The following PCDH7 variants were observed in gnomAD, a reference collection of about 807,000 sequenced individuals.
PCDH7 encodes protocadherin 7.
A neutral mutation model predicts 58.9 loss-of-function variants in PCDH7; 17 were observed. That is an observed-to-expected ratio of 0.29 (90% CI 0.20 to 0.43). The LOEUF (loss-of-function observed/expected upper bound fraction) is 0.43, where lower values mean the gene tolerates loss of function less well. Among genes scored for constraint, PCDH7 ranks in the 20% least tolerant of loss-of-function variants. The pLI is 1.00. For synonymous variants in PCDH7, 664 were observed against 616.4 expected, an observed-to-expected ratio of 1.08 and a Z score of -1.14; for missense variants, 1,274 against 1,441.0, an observed-to-expected ratio of 0.88 and a Z score of 1.88.
intron 3 of PCDH7, among the ~76,000 whole-genome samples, chr4:31,128,580 G>A (rs1718596050): frequency 1.3e-5 from 2 of 152,092 alleles, no homozygotes; most frequent in African/African-American, 4.8e-5. Flanking sequence ...ATGTATAACT[G>A]CCAACTAGAA....
At position 30,979,410 on chromosome 4, in the gene PCDH7, T is replaced by A. The variant is rs551890754; in HGVS notation, c.*7+29195T>A. On this transcript the variant is annotated intron_variant, in intron 3 of 3. Coordinates refer to the PCDH7 transcript ENST00000509759. ...AAGCTTTGATTGATAATTTATTTAATCCTTTTGCCAAATAAGGAAATATTA... is the reference window on the plus strand; with the variant it reads ...AAGCTTTGATTGATAATTTATTTAAACCTTTTGCCAAATAAGGAAATATTA... 1.1e-4 allele frequency among the ~76,000 whole-genome samples: 16 copies of A among 152,088 alleles called. No individual in the cohort carries two copies. In the East Asian group the frequency reaches 2.1e-3, roughly 20 times the overall value.
rs544794066 is a variant in PCDH7 at position 30,958,813 on chromosome 4, A to G, written c.*7+8598A>G. Among the ~76,000 whole-genome samples, 38 of 152,196 alleles carry G rather than the reference A, an allele frequency of 2.5e-4. 1 individual carries two copies. In the East Asian group the frequency reaches 7.3e-3, roughly 29 times the overall value. The stretch of plus-strand genomic sequence containing the variant: ...TATTGAAATAGTGACCAGAAAAAAC[A>G]AAATCAAATTATCTTATTATAAATT... On this transcript the variant is annotated intron_variant, in intron 3 of 3. Transcript: ENST00000509759.
intron 1 of PCDH7, among the ~76,000 whole-genome samples, chr4:30,837,711 T>A (rs916716054): frequency 6.6e-6 from 1 of 151,888 alleles, no homozygotes; most frequent in Non-Finnish European, 1.5e-5. Flanking sequence ...AAGTCAATGT[T>A]TTGTAAGTTG....
chr4:30,759,334 G>A (rs993666856), intron 1 of PCDH7, among the ~76,000 whole-genome samples: 1 of 151,980 alleles, frequency 6.6e-6, no homozygotes, highest in Non-Finnish European at 1.5e-5. Flanking sequence ...TCCTCTGTCC[G>A]AATTTCTTGT....
At chr4:30,947,162 A>G (rs78742070) in intron 2 of PCDH7, among the ~76,000 whole-genome samples, 12,768 of 152,126 alleles carry the variant, frequency 0.084, 716 homozygotes, top group Non-Finnish European at 0.12. Flanking sequence ...CTGTACTTCT[A>G]CCATGATCAT....
intron 1 of PCDH7, among the ~76,000 whole-genome samples, chr4:30,862,018 G>A (rs944996372): frequency 2.6e-5 from 4 of 152,060 alleles, no homozygotes; most frequent in Admixed American, 6.6e-5. Flanking sequence ...TATTAGTAAA[G>A]CTGAAAGGGA....
chr4:31,126,604 T>C (rs1658738363), intron 3 of PCDH7, among the ~76,000 whole-genome samples: 1 of 152,188 alleles, frequency 6.6e-6, no homozygotes, highest in Admixed American at 6.5e-5. Context: ...CTTGGAATTT[T>C]CCCCGAGATT....
Position 30,723,255 on chromosome 4 carries a change from C to T in PCDH7, c.1833C>T (p.Ala611=), listed in dbSNP as rs905238626. Residue 611 remains alanine, a synonymous_variant, in exon 1 of 2, where the codon GCC becomes GCT. Coordinates refer to ENST00000361762, the Ensembl canonical transcript of PCDH7. The surrounding 1 kb of genome is among the most constrained non-coding windows in gnomAD (Gnocchi z 4.6). ...ACAGGTATGAGTTTAAAGTTAACGC[C>T]AAAGACAAAGGCATCCCCGTGCTGC... 3 of 1,614,194 alleles carry T rather than the reference C, an allele frequency of 1.9e-6. No homozygotes were observed. The highest frequency in any genetic ancestry group is 2.5e-6 in the Non-Finnish European group (3 of 1,180,052).
intron 1 of PCDH7, among the ~76,000 whole-genome samples, chr4:30,895,343 T>C (rs957223355): frequency 6.6e-6 from 1 of 152,064 alleles, no homozygotes; most frequent in Non-Finnish European, 1.5e-5. Context: ...ATAGGAATAG[T>C]TTAAGTATCT....
intron 1 of PCDH7, among the ~76,000 whole-genome samples, chr4:30,831,876 GA>G (rs1729838383): frequency 6.6e-6 from 1 of 151,882 alleles, no homozygotes; most frequent in Non-Finnish European, 1.5e-5. Flanking sequence ...TTTTTCCTAT[GA>G]TGAGTTCTGT....
intron 3 of PCDH7, among the ~76,000 whole-genome samples, chr4:31,108,159 A>G (rs1449127866): frequency 6.6e-6 from 1 of 152,004 alleles, no homozygotes; most frequent in Non-Finnish European, 1.5e-5. Flanking sequence ...AGACCAGATC[A>G]TGTTTATGGT....
chr4:31,017,739 T>C (rs762555766), intron 3 of PCDH7, among the ~76,000 whole-genome samples: 1 of 149,526 alleles, frequency 6.7e-6, no homozygotes, highest in Non-Finnish European at 1.5e-5. Flanking sequence ...ATAAAATTAA[T>C]ACTTAGCTCA....
intron 1 of PCDH7, among the ~76,000 whole-genome samples, chr4:30,902,662 C>T (rs572063804): frequency 6.9e-4 from 104 of 150,234 alleles, no homozygotes; most frequent in African/African-American, 2.6e-3. Context: ...AGAAAATGCC[C>T]ATATCTATAA....
At chr4:31,101,659 T>C (rs1265192715) in intron 3 of PCDH7, among the ~76,000 whole-genome samples, 1 of 152,214 alleles carries the variant, frequency 6.6e-6, no homozygotes, top group Non-Finnish European at 1.5e-5. Flanking sequence ...TAGGCTGTTA[T>C]TTCTAAATAT....
At chr4:30,767,944 A>T (rs1347992615) in intron 1 of PCDH7, among the ~76,000 whole-genome samples, 3 of 152,142 alleles carry the variant, frequency 2.0e-5, no homozygotes, top group Non-Finnish European at 4.4e-5. Flanking sequence ...TGTGTAACTT[A>T]CCTCCTATCC....
intron 2 of PCDH7, among the ~76,000 whole-genome samples, chr4:30,933,172 G>A (rs9997116): frequency 0.7 from 105,443 of 151,564 alleles, 36,694 homozygotes; most frequent in East Asian, 0.78. Flanking sequence ...GACTACAGGC[G>A]CATGCTACCA....
At chr4:30,995,877 T>C (rs1751852667) in intron 3 of PCDH7, among the ~76,000 whole-genome samples, 1 of 152,088 alleles carries the variant, frequency 6.6e-6, no homozygotes, top group Admixed American at 6.6e-5. Flanking sequence ...CAAGGACCCT[T>C]TGATTACATT....
At chr4:30,821,069 T>TA in intron 1 of PCDH7, among the ~76,000 whole-genome samples, 1 of 152,140 alleles carries the variant, frequency 6.6e-6, no homozygotes, top group Non-Finnish European at 1.5e-5. Flanking sequence ...GACTTATGAA[T>TA]TGTCACAATG....
At chr4:30,963,168 C>T (rs754710625) in intron 3 of PCDH7, among the ~76,000 whole-genome samples, 4 of 152,172 alleles carry the variant, frequency 2.6e-5, no homozygotes, top group Non-Finnish European at 5.9e-5. Context: ...CTCACAGATT[C>T]CTCTGGCTTT....
Sources: allele counts gnomAD v4.1 joint callset (sites outside exome capture counted in the v4.1 genomes callset), GRCh38; gene constraint gnomAD v4.1.1; non-coding constraint Gnocchi (gnomAD v3.1); transcripts MANE v1.5; gene names NCBI Gene and HGNC (gene_info 2026-07-23, HGNC 2026-07-21).